The following VRK2 variants were observed in gnomAD, a reference collection of about 807,000 sequenced individuals.
VRK2 encodes the protein serine/threonine-protein kinase VRK2.
In VRK2, 60 loss-of-function variants were observed where a neutral mutation model predicts 57.6. That is an observed-to-expected ratio of 1.04 (90% confidence interval 0.85 to 1.29). The LOEUF is 1.29. VRK2 is among the 50% of genes most tolerant of loss of function. VRK2 has a pLI of 0.00. For missense variants in VRK2, 705 were observed against 588.1 expected (o/e 1.20, Z -2.06); for synonymous variants, 231 against 199.2 (o/e 1.16, Z -1.35).
chr2:58,056,032 GAA>G (rs202025315), intron 2 of VRK2, among the ~76,000 whole-genome samples: 12,811 of 152,004 alleles, frequency 0.084, 585 homozygotes, highest in East Asian at 0.1. Context: ...ATAAAATTGA[GAA>G]CTCTAAACAT....
intron 2 of VRK2, among the ~76,000 whole-genome samples, chr2:58,057,753 G>C (rs770629869): frequency 6.6e-6 from 1 of 152,126 alleles, no homozygotes; most frequent in African/African-American, 2.4e-5. Flanking sequence ...TACATAGTCA[G>C]AAGCTTTTGT....
intron 2 of VRK2, among the ~76,000 whole-genome samples, chr2:58,072,960 A>G (rs960769121): frequency 4.6e-5 from 7 of 152,024 alleles, no homozygotes; most frequent in Non-Finnish European, 1.0e-4. Flanking sequence ...TATGTATTCA[A>G]TGCTATAAAT....
At chr2:58,007,592 C>T (rs1673287096) in intron 1 of VRK2, among the ~76,000 whole-genome samples, 1 of 152,066 alleles carries the variant, frequency 6.6e-6, no homozygotes, top group African/African-American at 2.4e-5. Flanking sequence ...TGTAAGAATA[C>T]AATACATATT....
intron 3 of VRK2, among the ~76,000 whole-genome samples, chr2:58,034,860 C>T (rs139255567): frequency 3.8e-4 from 57 of 151,890 alleles, no homozygotes; most frequent in African/African-American, 1.1e-3. Flanking sequence ...CTATTCTAAA[C>T]GCTTGGTGGT....
At chr2:58,108,735 A>G (rs1259608463) in intron 7 of VRK2, among the ~76,000 whole-genome samples, 5 of 152,090 alleles carry the variant, frequency 3.3e-5, no homozygotes, top group Admixed American at 6.5e-5. Context: ...ATAGACTTTT[A>G]TGCTTTTGTC....
chr2:58,028,554 C>T (rs1471029753), intron 2 of VRK2, among the ~76,000 whole-genome samples: 1 of 151,848 alleles, frequency 6.6e-6, no homozygotes, highest in African/African-American at 2.4e-5. Context: ...TACTATGCAG[C>T]CATAAAAAAT....
intron 1 of VRK2, among the ~76,000 whole-genome samples, chr2:57,971,989 T>C (rs945475825): frequency 4.6e-5 from 7 of 151,922 alleles, no homozygotes; most frequent in African/African-American, 1.4e-4. Flanking sequence ...CATTGAATTG[T>C]CTTTGGCCAA....
chr2:58,065,544 A>T (rs912013916), intron 2 of VRK2, among the ~76,000 whole-genome samples: 2 of 152,126 alleles, frequency 1.3e-5, no homozygotes, highest in Non-Finnish European at 2.9e-5. Flanking sequence ...GGGTAGTGTG[A>T]TTCCTTCAAC....
chr2:57,945,423 A>G (rs1337226258), intron 1 of VRK2, among the ~76,000 whole-genome samples: 1 of 152,186 alleles, frequency 6.6e-6, no homozygotes, highest in Non-Finnish European at 1.5e-5. Flanking sequence ...GGTCTGGCAC[A>G]TAATAGCTAC....
intron 1 of VRK2, among the ~76,000 whole-genome samples, chr2:57,952,750 GAA>G (rs111349440): frequency 1.1e-4 from 13 of 120,692 alleles, no homozygotes; most frequent in African/African-American, 3.0e-4. Context: ...AACTGAAAAT[GAA>G]AAAAAAAAAA....
At chr2:58,037,102 A>C (rs1213057661) in intron 3 of VRK2, among the ~76,000 whole-genome samples, 1 of 151,716 alleles carries the variant, frequency 6.6e-6, no homozygotes, top group African/African-American at 2.4e-5. Flanking sequence ...TGCCCAGCTA[A>C]TTTTTGTATT....
chr2:58,073,663 T>C (rs1466927841), intron 2 of VRK2, among the ~76,000 whole-genome samples: 1 of 146,814 alleles, frequency 6.8e-6, no homozygotes, highest in African/African-American at 2.5e-5. Flanking sequence ...TTTATATTTA[T>C]ATTTATATTT....
intron 1 of VRK2, among the ~76,000 whole-genome samples, chr2:57,930,704 A>G (rs1478444914): frequency 6.6e-6 from 1 of 152,098 alleles, no homozygotes; most frequent in African/African-American, 2.4e-5. Context: ...TCATCTTACA[A>G]CTGAAAGCTT....
At chr2:58,117,860 G>A (rs1403335703) in intron 7 of VRK2, among the ~76,000 whole-genome samples, 1 of 152,112 alleles carries the variant, frequency 6.6e-6, no homozygotes, top group Non-Finnish European at 1.5e-5. Context: ...ATGTAAGGTG[G>A]AATCTTGCCC....
intron 1 of VRK2, among the ~76,000 whole-genome samples, chr2:57,922,886 C>T (rs1399648734): frequency 2.0e-5 from 3 of 151,978 alleles, no homozygotes; most frequent in Admixed American, 2.0e-4. Flanking sequence ...CTCTTCCCAG[C>T]TTCTAGTAAC....
chr2:58,025,264 ATT>A (rs34986884), intron 1 of VRK2, among the ~76,000 whole-genome samples: 4,241 of 146,880 alleles, frequency 0.029, 216 homozygotes, highest in African/African-American at 0.096. Flanking sequence ...CATTGCTCAT[ATT>A]TTTTTTTTTT....
At chr2:57,928,097 T>C (rs926922718) in intron 1 of VRK2, among the ~76,000 whole-genome samples, 1 of 152,192 alleles carries the variant, frequency 6.6e-6, no homozygotes, top group Admixed American at 6.5e-5. Flanking sequence ...TTCTCAGTTA[T>C]TATCCCTTTC....
intron 1 of VRK2, among the ~76,000 whole-genome samples, chr2:57,977,516 A>G (rs1333801960): frequency 6.6e-6 from 1 of 151,288 alleles, no homozygotes; most frequent in Non-Finnish European, 1.5e-5. Flanking sequence ...TTTGGCTTGC[A>G]GGTTGGACAT....
intron 7 of VRK2, among the ~76,000 whole-genome samples, chr2:58,099,557 A>T (rs1673662762): frequency 2.0e-5 from 3 of 152,074 alleles, no homozygotes; most frequent in African/African-American, 7.2e-5. Context: ...CTGTCATCTC[A>T]GTGCCAGGAA....
Sources: allele counts gnomAD v4.1 joint callset (sites outside exome capture counted in the v4.1 genomes callset), GRCh38; gene constraint gnomAD v4.1.1; transcripts MANE v1.5; gene names NCBI Gene and HGNC (gene_info 2026-07-23, HGNC 2026-07-21).